ATIC: variants seen among roughly 807,000 people sequenced by gnomAD.
ATIC encodes the protein bifunctional purine biosynthesis protein ATIC.
ATIC carries 64 observed loss-of-function variants against 72.5 expected under a neutral mutation model. The observed-to-expected ratio is 0.88, with a 90% CI of 0.72 to 1.09. The LOEUF is 1.09. Among genes scored for constraint, ATIC ranks in the 50% least tolerant of loss-of-function variants. ATIC has a pLI of 0.00. For synonymous variants in ATIC, 281 were observed against 267.1 expected, an observed-to-expected ratio of 1.05 and a Z score of -0.51; for missense variants, 787 against 732.4, an observed-to-expected ratio of 1.07 and a Z score of -0.86.
chr2:215,333,631 TTTGA>T (rs1156732875), intron 9 of ATIC, among the ~76,000 whole-genome samples, 174 bp downstream of exon 9: 2 of 152,166 alleles, frequency 1.3e-5, no homozygotes, highest in South Asian at 4.1e-4. Context: ...TATAATATAG[TTTGA>T]TTAAAGTAAA....
At chr2:215,347,421 GTTC>G (rs1281980781) in intron 14 of ATIC, among the ~76,000 whole-genome samples, 1 of 152,086 alleles carries the variant, frequency 6.6e-6, no homozygotes, top group African/African-American at 2.4e-5. Context: ...TACATTTCAT[GTTC>G]TTCTGTTTGA....
Position 215,312,157 on chromosome 2 carries a change from G to T in ATIC, c.15G>T (p.Gln5His). 14 of 1,521,666 alleles carry T rather than the reference G, an allele frequency of 9.2e-6. No individual in the cohort carries two copies. Among genetic ancestry groups the T allele is most frequent in the Non-Finnish European group, 1.2e-5 (14 of 1,141,724 alleles). The allele number at this position is 1,521,666 out of a possible 1,614,324, so 94.3% of individuals were successfully genotyped here. Reference sequence around the variant, plus strand: ...TGCCTGCAGCCATGGCTCCCGGCCAGCTCGGTGAGGCCCTAGCGGAGCGGC... The same window carrying T: ...TGCCTGCAGCCATGGCTCCCGGCCATCTCGGTGAGGCCCTAGCGGAGCGGC... The part of the protein sequence containing the change: MAPG[Q>H]LALFSVSDKT... The change falls in exon 1 of 16, where the codon CAG becomes CAT. Residue 5 changes from glutamine (Q) to histidine (H), a missense_variant. Coordinates refer to ENST00000236959, the MANE Select transcript of ATIC (RefSeq NM_004044.7).
intron 14 of ATIC, 200 bp downstream of exon 14, chr2:215,347,141 C>G: frequency 2.7e-6 from 2 of 728,458 alleles, no homozygotes; most frequent in South Asian, 3.7e-5. Context: ...TGTTTTTGAC[C>G]CCTTTCTGAA....
chr2:215,324,159 A>C (rs908754745), intron 4 of ATIC, among the ~76,000 whole-genome samples: 1 of 152,190 alleles, frequency 6.6e-6, no homozygotes, highest in East Asian at 1.9e-4. Flanking sequence ...AGCCTCCCAA[A>C]GTGCTGGGAT....
downstream of ATIC, among the ~76,000 whole-genome samples, chr2:215,352,159 A>G (rs964584068): frequency 7.2e-5 from 11 of 152,186 alleles, no homozygotes; most frequent in African/African-American, 2.7e-4. Context: ...AAGAAAATCT[A>G]AAGTGTTTAG....
chr2:215,320,588 A>ATTTTTTTTTTTTTTTTTTTTT lies in ATIC; in HGVS notation c.290+861_290+862insTTTTTTTTTTTTTTTTTTTTT, dbSNP rs1559267639. ...TAACTTTTATTCTTAATTTAATTTA[A>ATTTTTTTTTTTTTTTTTTTTT]TTTTATTTTGAGACAGGGTCTCGCT... is the stretch of plus-strand genomic sequence containing the variant. On this transcript the variant is annotated intron_variant, in intron 4 of 15. Transcript: ENST00000236959. 3.3e-5 allele frequency among the ~76,000 whole-genome samples: 5 copies of ATTTTTTTTTTTTTTTTTTTTT among 151,650 alleles called. No homozygotes were observed. In the East Asian group the frequency reaches 7.7e-4, roughly 23 times the overall value.
At chr2:215,337,299 A>G (rs2052967000) in intron 11 of ATIC, among the ~76,000 whole-genome samples, 1 of 152,184 alleles carries the variant, frequency 6.6e-6, no homozygotes, top group Non-Finnish European at 1.5e-5. Flanking sequence ...GTAAGATACC[A>G]ATAATTTTAT....
chr2:215,314,710 AG>A (rs1339407442), intron 2 of ATIC, among the ~76,000 whole-genome samples: 1 of 152,042 alleles, frequency 6.6e-6, no homozygotes, highest in Admixed American at 6.6e-5. Context: ...CATGTTGGCC[AG>A]GCTGATCTCG....
intron 10 of ATIC, 28 bp from the exon 11 acceptor site, chr2:215,336,007 T>C: frequency 2.6e-6 from 4 of 1,539,248 alleles, no homozygotes; most frequent in Middle Eastern, 1.7e-4. Flanking sequence ...TTTTTAAAAA[T>C]AGAAATTAAA....
intron 4 of ATIC, among the ~76,000 whole-genome samples, chr2:215,323,240 C>G (rs1284356499): frequency 6.6e-6 from 1 of 152,172 alleles, no homozygotes; most frequent in Admixed American, 6.5e-5. Flanking sequence ...CCACTGCGCC[C>G]GGCCCCAACT....
chr2:215,340,070 A>G (rs182113647), intron 12 of ATIC, among the ~76,000 whole-genome samples: 1 of 152,280 alleles, frequency 6.6e-6, no homozygotes, highest in South Asian at 2.1e-4. Flanking sequence ...GCTCACTGCA[A>G]CGTGGATCTT....
chr2:215,330,517 A>G (rs1250231115), intron 7 of ATIC, among the ~76,000 whole-genome samples: 1 of 152,142 alleles, frequency 6.6e-6, no homozygotes, highest in Non-Finnish European at 1.5e-5. Flanking sequence ...TTATTAACCA[A>G]GGTTCATAGT....
chr2:215,361,645 G>GA, the ATIC span: 607 of 1,576,786 alleles, frequency 3.8e-4, no homozygotes, highest in Non-Finnish European at 4.8e-4. Context: ...AAGGAAGAAG[G>GA]AAAAAAAAAT....
At chr2:215,348,522 G>T (rs540705336) in intron 14 of ATIC, among the ~76,000 whole-genome samples, 1 of 152,196 alleles carries the variant, frequency 6.6e-6, no homozygotes, top group Non-Finnish European at 1.5e-5. Flanking sequence ...TATGTACTTG[G>T]AATAAACTGA....
rs750274350 is a variant in ATIC, at chr2:215,318,227, C to G, written c.217C>G (p.His73Asp). 1 of 1,613,268 alleles carries G rather than the reference C, an allele frequency of 6.2e-7. No homozygotes were observed. Among genetic ancestry groups the G allele is most frequent in the Admixed American group, 1.7e-5 (1 of 60,020 alleles). The stretch of plus-strand genomic sequence containing the variant: ...TGTGAAAACTTTGCATCCTGCAGTC[C>G]ATGCTGGTAAGTGGTTGGTATCTTT... ...GRVKTLHPAVHAGILARNIPE... is the reference protein window; with the variant it reads ...GRVKTLHPAVDAGILARNIPE... Residue 73 changes from histidine (H) to aspartate (D), a missense_variant, in exon 3 of 16, where the codon CAT becomes GAT. Coordinates refer to ENST00000236959, the MANE Select transcript of ATIC (RefSeq NM_004044.7).
intron 12 of ATIC, among the ~76,000 whole-genome samples, chr2:215,341,788 C>G (rs949817063): frequency 6.6e-6 from 1 of 152,156 alleles, no homozygotes; most frequent in Non-Finnish European, 1.5e-5. Flanking sequence ...TGGCATTTCT[C>G]GTATGCCTTG....
the ATIC span, chr2:215,365,518 G>A: frequency 1.9e-6 from 3 of 1,613,910 alleles, no homozygotes; most frequent in African/African-American, 2.7e-5. Context: ...GGTCACACTT[G>A]AATTCTCCTT....
chr2:215,325,290 G>C lies in ATIC; in HGVS notation c.340G>C (p.Gly114Arg), dbSNP rs2106005804. The change falls in exon 5 of 16, where the codon GGT becomes CGT. Residue 114 changes from glycine to arginine, a missense_variant. By Grantham distance (125) the Gly-to-Arg change is moderately radical. Coordinates refer to ENST00000236959, the MANE Select transcript of ATIC (RefSeq NM_004044.7). ...CTTTGTAAAGACAGTGGCTTCTCCA[G>C]GTGTAACTGTTGAGGAGGCTGTGGA... ...YPFVKTVASP[G>R]VTVEEAVEQI... 6.2e-6 allele frequency: 10 copies of C among 1,613,920 alleles called. No individual in the cohort carries two copies. Among genetic ancestry groups the C allele is most frequent in the South Asian group, 2.2e-5 (2 of 91,058 alleles).
chr2:215,333,346 C>T lies in ATIC; in HGVS notation c.815-4C>T. ...TGTTTATGATTTTACTATTTTCTAACCAGGTGCTGCTGTTGGAATTCCACT... is the reference window on the plus strand; with the variant it reads ...TGTTTATGATTTTACTATTTTCTAATCAGGTGCTGCTGTTGGAATTCCACT... On this transcript the variant is annotated splice_polypyrimidine_tract_variant and splice_region_variant and intron_variant, in intron 8 of 15. Coordinates refer to ENST00000236959, the MANE Select transcript of ATIC (RefSeq NM_004044.7). 6.2e-7 allele frequency: 1 copy of T among 1,613,046 alleles called. No individual in the cohort carries two copies. The highest frequency in any genetic ancestry group is 8.5e-7 in the Non-Finnish European group (1 of 1,179,074).
Sources: allele counts gnomAD v4.1 joint callset (sites outside exome capture counted in the v4.1 genomes callset), GRCh38; gene constraint gnomAD v4.1.1; transcripts MANE v1.5; gene names NCBI Gene and HGNC (gene_info 2026-07-23, HGNC 2026-07-21).